The following BRD4 variants were observed in gnomAD, a reference collection of about 807,000 sequenced individuals.
BRD4 encodes bromodomain containing 4, also known as bromodomain-containing protein 4.
BRD4 carries 16 observed loss-of-function variants against 142.1 expected under a neutral mutation model. The ratio of observed to expected loss-of-function variants is 0.11; its 90% CI spans 0.08 to 0.17. The LOEUF (loss-of-function observed/expected upper bound fraction) is 0.17. Ranked by LOEUF, BRD4 falls within the 10% of genes least tolerant of loss-of-function variation. BRD4 has a pLI of 1.00. For missense variants in BRD4, 1,424 were observed against 1,810.9 expected (o/e 0.79, Z 3.88); for synonymous variants, 833 against 707.5 (o/e 1.18, Z -2.82).
chr19:15,272,182 G>T (rs542373608), intron 2 of BRD4, among the ~76,000 whole-genome samples: 1 of 152,290 alleles, frequency 6.6e-6, no homozygotes, highest in African/African-American at 2.4e-5. Context: ...ACTCTCCAGG[G>T]AAAGAGAAGA....
intron 1 of BRD4, among the ~76,000 whole-genome samples, chr19:15,331,410 C>T (rs1396130517): frequency 1.3e-5 from 2 of 152,194 alleles, no homozygotes; most frequent in Non-Finnish European, 2.9e-5. Flanking sequence ...CCCAAATCAC[C>T]ACAATCACCA....
intron 11 of BRD4, chr19:15,253,673 G>A (rs2145562951): frequency 6.3e-7 from 1 of 1,598,400 alleles, no homozygotes; most frequent in South Asian, 1.1e-5. Flanking sequence ...GCTGCAGTCT[G>A]CTCCACATCC....
At chr19:15,323,649 C>A (rs996301643) in intron 1 of BRD4, among the ~76,000 whole-genome samples, 14 of 152,160 alleles carry the variant, frequency 9.2e-5, no homozygotes, top group Non-Finnish European at 1.3e-4. Flanking sequence ...ATTACTAATT[C>A]ACGTTTCTGA....
chr19:15,259,645 G>C (rs1394695593), intron 7 of BRD4, among the ~76,000 whole-genome samples: 1 of 152,202 alleles, frequency 6.6e-6, no homozygotes, highest in Non-Finnish European at 1.5e-5. Context: ...TAGCCTGAGT[G>C]GGGGGCATCC....
At chr19:15,310,381 G>A (rs1202365162) in intron 1 of BRD4, among the ~76,000 whole-genome samples, 5 of 25,324 alleles carry the variant, frequency 2.0e-4, no homozygotes, top group Non-Finnish European at 4.0e-4. Flanking sequence ...CCCCCCCCCC[G>A]AAGGAGTCTC....
rs1002212228 is a variant in BRD4, at chr19:15,272,897, C to G, written c.203G>C (p.Arg68Thr). Residue 68 changes from arginine (R) to threonine (T), a missense_variant, in exon 2 of 20, where the codon AGA (arginine) becomes ACA (threonine). Arg to Thr is a moderately conservative substitution (Grantham distance 71). This residue lies in a region of BRD4 where 55 missense variants were observed against 160.7 expected (regional missense o/e 0.34). Coordinates refer to ENST00000679869, the MANE Select transcript of BRD4 (RefSeq NM_001379291.1). ...TTTCCATAGTGTCTTGAGCACCACT[C>G]TGAGCAGGTATTGCAGTTGGTTGGT... Reference protein sequence around the residue: ...RQTNQLQYLLRVVLKTLWKHQ... With the variant: ...RQTNQLQYLLTVVLKTLWKHQ... 1.2e-6 allele frequency: 2 copies of G among 1,614,026 alleles called. No homozygotes were observed. The highest frequency in any genetic ancestry group is 2.7e-5 in the African/African-American group (2 of 74,926).
At chr19:15,273,626 G>A (rs540532358) in intron 1 of BRD4, among the ~76,000 whole-genome samples, 3 of 152,312 alleles carry the variant, frequency 2.0e-5, no homozygotes, top group African/African-American at 7.2e-5. Context: ...CAGGCAAGGA[G>A]AAGCAGGAAG....
At chr19:15,243,781 C>T (rs972488506) in intron 13 of BRD4, among the ~76,000 whole-genome samples, 20 of 151,924 alleles carry the variant, frequency 1.3e-4, no homozygotes, top group African/African-American at 2.4e-4. Context: ...CTCACTTGCC[C>T]GGCCATTCCC....
chr19:15,315,199 T>C (rs1327058002), intron 1 of BRD4, among the ~76,000 whole-genome samples: 1 of 152,054 alleles, frequency 6.6e-6, no homozygotes, highest in Non-Finnish European at 1.5e-5. Context: ...TCCTACTGAA[T>C]GAGATCACGT....
intron 1 of BRD4, among the ~76,000 whole-genome samples, chr19:15,285,550 G>T (rs1281449605): frequency 5.0e-3 from 753 of 152,064 alleles, no homozygotes; most frequent in African/African-American, 0.017. Context: ...GGGTGACAGA[G>T]TGAGACCCCA....
chr19:15,255,505 C>G lies in BRD4; in HGVS notation c.1839G>C (p.Glu613Asp). The G allele has an allele frequency of 2.5e-6, 4 of 1,614,218 alleles. No individual in the cohort carries two copies. The South Asian group carries it at 4.4e-5, about 18-fold the overall frequency. ...TGTCCAAGCTGAGCTGCCGCTTCTC[C>G]TCATAGGACATAGGCTTGCACTTGT... ...EEDKCKPMSY[E>D]EKRQLSLDIN... The change falls in exon 10 of 20, where the codon GAG (glutamate) becomes GAC (aspartate). Residue 613 changes from glutamate to aspartate, a missense_variant. By Grantham distance (45) the Glu-to-Asp change is conservative. This residue lies in a region of BRD4 where 46 missense variants were observed against 110.4 expected (regional missense o/e 0.42). Coordinates refer to ENST00000679869, the MANE Select transcript of BRD4 (RefSeq NM_001379291.1).
intron 6 of BRD4, 114 bp from the exon 7 acceptor site, chr19:15,263,662 G>T: frequency 1.5e-6 from 2 of 1,377,950 alleles, no homozygotes; most frequent in Non-Finnish European, 2.0e-6. Context: ...TTGGCTCTCA[G>T]TTTGGTCAAG....
chr19:15,244,658 C>T (rs369127906), intron 12 of BRD4, 52 bp downstream of exon 12: 19 of 1,613,868 alleles, frequency 1.2e-5, no homozygotes, highest in African/African-American at 8.0e-5. Context: ...AGAACTGGCC[C>T]GGGCCAGACC....
At chr19:15,323,739 T>C (rs1484912333) in intron 1 of BRD4, among the ~76,000 whole-genome samples, 2 of 152,070 alleles carry the variant, frequency 1.3e-5, no homozygotes, top group Admixed American at 6.6e-5. Context: ...TAACAGCAGC[T>C]AGGAACAAAT....
intron 1 of BRD4, among the ~76,000 whole-genome samples, chr19:15,278,875 C>T (rs1427534477): frequency 6.6e-6 from 1 of 151,664 alleles, no homozygotes; most frequent in Non-Finnish European, 1.5e-5. Context: ...GAGTTTTGCT[C>T]TTGTTGCCCA....
At chr19:15,302,699 TA>T (rs2047880353) in intron 1 of BRD4, among the ~76,000 whole-genome samples, 1 of 125,356 alleles carries the variant, frequency 8.0e-6, no homozygotes, top group Non-Finnish European at 1.7e-5. Context: ...AAAAAAGGAT[TA>T]AAAAATTAAA....
chr19:15,324,924 G>A (rs1440627938), intron 1 of BRD4, among the ~76,000 whole-genome samples: 1 of 152,110 alleles, frequency 6.6e-6, no homozygotes, highest in African/African-American at 2.4e-5. Flanking sequence ...CTCTTCCACT[G>A]GTCTCCACTC....
chr19:15,252,411 G>A (rs1202942814), intron 11 of BRD4, among the ~76,000 whole-genome samples: 1 of 152,250 alleles, frequency 6.6e-6, no homozygotes, highest in Non-Finnish European at 1.5e-5. Context: ...GGTAGGAGAA[G>A]TCAACTAGAA....
In BRD4 at chr19:15,237,867, G is replaced by C. The variant is rs971670731; in HGVS notation, c.*510C>G. 6 of 238,186 alleles carry C rather than the reference G, an allele frequency of 2.5e-5. No individual in the cohort carries two copies. Among genetic ancestry groups the C allele is most frequent in the African/African-American group, 1.3e-4 (6 of 45,326 alleles). 14.8% of individuals were successfully genotyped at this position (238,186 alleles called of 1,614,324 possible). A position where few individuals can be genotyped will look rare whatever the true frequency, so the allele number is the denominator to read the frequency against. On this transcript the variant is annotated 3_prime_UTR_variant, in exon 20 of 20. Transcript: ENST00000679869. The stretch of plus-strand genomic sequence containing the variant: ...TCTGTTCAAGGCAAAGTCAGTGCCA[G>C]CGAGGGGGTGGGCCGGCCTCGCCCG...
Sources: gnomAD v4.1 joint callset for allele counts (sites outside exome capture counted in the v4.1 genomes callset) on GRCh38, gnomAD v4.1.1 for gene constraint, gnomAD v4.1.1 regional missense constraint, MANE v1.5 for transcripts, NCBI Gene and HGNC (gene_info 2026-07-23, HGNC 2026-07-21) for gene names.